The following CAMK1D variants were observed in gnomAD, a reference collection of about 807,000 sequenced individuals.
CAMK1D encodes the protein calcium/calmodulin-dependent protein kinase type 1D.
CAMK1D carries 9 observed loss-of-function variants against 47.7 expected under a neutral mutation model. The ratio of observed to expected loss-of-function variants is 0.19; its 90% CI spans 0.11 to 0.33. The LOEUF is 0.33. Among genes scored for constraint, CAMK1D ranks in the 10% least tolerant of loss-of-function variants. The probability of loss-of-function intolerance (pLI) is 1.00; values close to 1 mark genes in which losing one functional copy is unlikely to be tolerated. For synonymous variants in CAMK1D, 184 were observed against 184.9 expected (o/e 0.99, Z 0.04); for missense variants, 291 against 488.7 (o/e 0.60, Z 3.81).
At chr10:12,648,575 A>G (rs1839874576) in intron 2 of CAMK1D, among the ~76,000 whole-genome samples, 1 of 152,110 alleles carries the variant, frequency 6.6e-6, no homozygotes, top group Non-Finnish European at 1.5e-5. Context: ...GATTCAAGCG[A>G]TTCTTCTGCC....
chr10:12,673,179 C>T (rs1840686605), intron 3 of CAMK1D, among the ~76,000 whole-genome samples: 1 of 152,016 alleles, frequency 6.6e-6, no homozygotes, highest in Non-Finnish European at 1.5e-5. Flanking sequence ...GCCACCGTGC[C>T]CGGCTGCCTT....
chr10:12,574,365 A>G (rs1181401603), intron 2 of CAMK1D, among the ~76,000 whole-genome samples: 1 of 150,220 alleles, frequency 6.7e-6, no homozygotes, highest in African/African-American at 2.5e-5. Flanking sequence ...GCAGTGGTGC[A>G]ATGTCAGCTC....
At chr10:12,722,002 G>A (rs992361754) in intron 3 of CAMK1D, among the ~76,000 whole-genome samples, 1 of 151,998 alleles carries the variant, frequency 6.6e-6, no homozygotes, top group African/African-American at 2.4e-5. Context: ...GCTTTCTGAG[G>A]TCCCTTTTAT....
intron 2 of CAMK1D, among the ~76,000 whole-genome samples, chr10:12,561,465 C>T (rs961059412): frequency 1.3e-5 from 2 of 152,070 alleles, no homozygotes; most frequent in African/African-American, 4.8e-5. Flanking sequence ...AATGATGGCC[C>T]TTCCTTAGCA....
chr10:12,504,164 T>G lies in CAMK1D; in HGVS notation c.93-49061T>G, dbSNP rs1834797313. 4.0e-5 allele frequency among the ~76,000 whole-genome samples: 6 copies of G among 151,614 alleles called. No homozygotes were observed. In the South Asian group the frequency reaches 1.0e-3, roughly 26 times the overall value. On this transcript the variant is annotated intron_variant, in intron 1 of 10. Transcript: ENST00000619168. ...GTGTGTGTGTGTGATGTATGTAATA[T>G]ATTCTCAAAAAGTAGATCAGAGTCT...
At chr10:12,743,321 T>C (rs2130851456) in intron 3 of CAMK1D, among the ~76,000 whole-genome samples, 1 of 139,370 alleles carries the variant, frequency 7.2e-6, no homozygotes, top group East Asian at 2.1e-4. Context: ...TCCTCCAGCC[T>C]GGGTGACAGG....
At chr10:12,534,886 G>T (rs1398260306) in intron 1 of CAMK1D, among the ~76,000 whole-genome samples, 1 of 140,094 alleles carries the variant, frequency 7.1e-6, no homozygotes, top group East Asian at 2.0e-4. Context: ...AGGTGTTTGT[G>T]GGCCAGCCTG....
chr10:12,653,544 G>A (rs1245663947), intron 2 of CAMK1D, among the ~76,000 whole-genome samples: 2 of 152,152 alleles, frequency 1.3e-5, no homozygotes, highest in African/African-American at 4.8e-5. Context: ...CCAACCATGT[G>A]ACAACGTTAA....
At chr10:12,768,104 C>T (rs1298413753) in intron 4 of CAMK1D, among the ~76,000 whole-genome samples, 1 of 152,176 alleles carries the variant, frequency 6.6e-6, no homozygotes, top group Non-Finnish European at 1.5e-5. Flanking sequence ...GACTCCTGAC[C>T]TCAGGTGATC....
chr10:12,442,102 G>T (rs1832799662), intron 1 of CAMK1D, among the ~76,000 whole-genome samples: 1 of 152,176 alleles, frequency 6.6e-6, no homozygotes, highest in African/African-American at 2.4e-5. Context: ...TCTTATTAAA[G>T]AATTCAAATG....
intron 1 of CAMK1D, among the ~76,000 whole-genome samples, chr10:12,382,420 A>G (rs908430897): frequency 2.0e-5 from 3 of 152,092 alleles, no homozygotes; most frequent in Non-Finnish European, 4.4e-5. Flanking sequence ...TTGGTAACTT[A>G]CATAGGATCT....
At chr10:12,630,046 G>T (rs4503422) in intron 2 of CAMK1D, among the ~76,000 whole-genome samples, 1 of 152,080 alleles carries the variant, frequency 6.6e-6, no homozygotes, top group African/African-American at 2.4e-5. Flanking sequence ...CCTGAGCCCC[G>T]TAGGGTGGCC....
At chr10:12,581,858 T>A (rs1281632258) in intron 2 of CAMK1D, among the ~76,000 whole-genome samples, 1 of 152,200 alleles carries the variant, frequency 6.6e-6, no homozygotes, top group Non-Finnish European at 1.5e-5. Context: ...CTCTGCTGAT[T>A]ATTTCTTTTA....
At chr10:12,645,180 T>G (rs539966765) in intron 2 of CAMK1D, among the ~76,000 whole-genome samples, 18 of 150,756 alleles carry the variant, frequency 1.2e-4, no homozygotes, top group African/African-American at 4.2e-4. Flanking sequence ...GTTCCCACAC[T>G]TTGTGCTTGA....
chr10:12,448,698 T>A (rs1832993159), intron 1 of CAMK1D, among the ~76,000 whole-genome samples: 1 of 152,258 alleles, frequency 6.6e-6, no homozygotes, highest in African/African-American at 2.4e-5. Context: ...GTGGCAGATT[T>A]TATTTTTCTC....
intron 3 of CAMK1D, among the ~76,000 whole-genome samples, chr10:12,759,140 G>A (rs1836376273): frequency 6.6e-6 from 1 of 152,210 alleles, no homozygotes; most frequent in South Asian, 2.1e-4. Flanking sequence ...CTTCAGCCCA[G>A]GAGTTTGAGA....
At chr10:12,405,869 A>T (rs1397731582) in intron 1 of CAMK1D, among the ~76,000 whole-genome samples, 1 of 152,222 alleles carries the variant, frequency 6.6e-6, no homozygotes, top group African/African-American at 2.4e-5. Flanking sequence ...GCTTAGCAAT[A>T]ATTTGCCAGC....
At chr10:12,488,855 C>G (rs1289693485) in intron 1 of CAMK1D, among the ~76,000 whole-genome samples, 2 of 152,186 alleles carry the variant, frequency 1.3e-5, no homozygotes, top group South Asian at 4.1e-4. Flanking sequence ...GGCGGTGATG[C>G]GAGGGATGGG....
At chr10:12,693,029 C>T (rs1057222466) in intron 3 of CAMK1D, among the ~76,000 whole-genome samples, 2 of 152,132 alleles carry the variant, frequency 1.3e-5, no homozygotes, top group African/African-American at 4.8e-5. Context: ...AGATCATCCT[C>T]TATAATGTGG....
Sources: allele counts gnomAD v4.1 joint callset (sites outside exome capture counted in the v4.1 genomes callset), GRCh38; gene constraint gnomAD v4.1.1; transcripts MANE v1.5; gene names NCBI Gene and HGNC (gene_info 2026-07-23, HGNC 2026-07-21).